Variants in KNL1 observed in about 807,000 individuals in gnomAD.
The protein encoded by KNL1 is outer kinetochore KNL1 complex subunit KNL1.
Under a neutral mutation model 201.3 loss-of-function variants are expected in KNL1, and 66 were observed. The ratio of observed to expected loss-of-function variants is 0.33; its 90% CI spans 0.27 to 0.40. KNL1 has a LOEUF of 0.40. Ranked by LOEUF, KNL1 falls within the 10% of genes least tolerant of loss-of-function variation. KNL1 has a pLI of 1.00. For synonymous variants in KNL1, 895 were observed against 899.2 expected (o/e 1.00, Z 0.08); for missense variants, 2,815 against 2,690.5 (o/e 1.05, Z -1.02).
rs1375074451 is a variant in KNL1 at position 40,662,008 on chromosome 15, C to T, written c.6837-66C>T. On this transcript the variant is annotated intron_variant, in intron 25 of 25. Transcript: ENST00000399668. The stretch of plus-strand genomic sequence containing the variant: ...GTGAGCGGATTGCGCCACTGCACTC[C>T]AGCCTGGGCGACAGAGCGAGACTCC... The T allele has an allele frequency of 4.5e-6, 4 of 892,696 alleles. No homozygotes were observed. The African/African-American group carries it at 6.6e-5, about 15-fold the overall frequency. The allele number at this position is 892,696 out of a possible 1,614,324, so 55.3% of individuals were successfully genotyped here.
intron 9 of KNL1, 115 bp from the exon 10 acceptor site, chr15:40,620,525 C>G (rs1199755523): frequency 1.6e-6 from 1 of 609,812 alleles, no homozygotes; most frequent in Non-Finnish European, 2.7e-6. Flanking sequence ...TTGATTCAAG[C>G]AAACCAACGT....
chr15:40,606,638 AC>A (rs1367482977), intron 4 of KNL1, among the ~76,000 whole-genome samples, 186 bp downstream of exon 4: 1 of 151,966 alleles, frequency 6.6e-6, no homozygotes, highest in African/African-American at 2.4e-5. Context: ...TCCCTCTCTT[AC>A]CCAGGTTGGA....
chr15:40,621,488 A>G lies in KNL1; in HGVS notation c.1224A>G (p.Ile408Met), dbSNP rs368742627. 105 of 1,613,906 alleles carry G rather than the reference A, an allele frequency of 6.5e-5. No homozygotes were observed. The highest frequency in any genetic ancestry group is 1.6e-4 in the Middle Eastern group (1 of 6,082). Residue 408 changes from isoleucine to methionine, a missense_variant, in exon 10 of 26, where the codon ATA (isoleucine) becomes ATG (methionine). Ile to Met is a conservative substitution (Grantham distance 10, BLOSUM62 1). Coordinates refer to ENST00000399668, the MANE Select transcript of KNL1 (RefSeq NM_144508.5). ...VSQTCNQDARILAMTPESIYS... is the reference protein window; with the variant it reads ...VSQTCNQDARMLAMTPESIYS... ...AGACTTGTAATCAGGATGCCAGAATATTAGCCATGACCCCAGAATCTATAT... is the reference window on the plus strand; with the variant it reads ...AGACTTGTAATCAGGATGCCAGAATGTTAGCCATGACCCCAGAATCTATAT...
rs371373070 is a variant in KNL1, at chr15:40,658,375, A to G, written c.6713+902A>G. 1.2e-3 allele frequency among the ~76,000 whole-genome samples: 180 copies of G among 151,376 alleles called. 6 individuals are homozygous for G. In the South Asian group the frequency reaches 0.035, roughly 29 times the overall value. The stretch of plus-strand genomic sequence containing the variant: ...AAACCCTGTCTCTACTAAAAATACA[A>G]AAAATTAGCCGGGCACGGTGGCAGG... On this transcript the variant is annotated intron_variant, in intron 24 of 25. Transcript: ENST00000399668.
rs377752647 is a variant in KNL1 at position 40,623,791 on chromosome 15, G to C, written c.3527G>C (p.Cys1176Ser). ...GATTCCCATACTGTTTTCATTGACT[G>C]TCAAGCCACAGAGAAAATACTTGAA... Reference protein sequence around the residue: ...VTDSHTVFIDCQATEKILEEN... With the variant: ...VTDSHTVFIDSQATEKILEEN... The change falls in exon 10 of 26, where the codon TGT (cysteine) becomes TCT (serine). Residue 1176 changes from cysteine to serine, a missense_variant. Cys to Ser is a moderately radical substitution (Grantham distance 112, BLOSUM62 -1). Transcript: ENST00000399668. 30 of 1,613,658 alleles carry C rather than the reference G, an allele frequency of 1.9e-5. No homozygotes were observed. The highest frequency in any genetic ancestry group is 2.4e-5 in the Non-Finnish European group (28 of 1,179,872).
rs1327227478 is a variant in KNL1, at chr15:40,624,755, A to C, written c.4491A>C (p.Glu1497Asp). ...AGCCCAAAATACTCAATAGTGAGGAATGGTTTGCTGCAGCCTGTAAAAAAG... is the reference window on the plus strand; with the variant it reads ...AGCCCAAAATACTCAATAGTGAGGACTGGTTTGCTGCAGCCTGTAAAAAAG... ...ENKPKILNSE[E>D]WFAAACKKEL... Residue 1497 changes from glutamate to aspartate, a missense_variant, in exon 10 of 26, where the codon GAA (glutamate) becomes GAC (aspartate). Around this residue, in one of 3 missense-constraint regions of KNL1, gnomAD observed 2,464 missense variants for 2,291.7 expected, o/e 1.08. Coordinates refer to ENST00000399668, the MANE Select transcript of KNL1 (RefSeq NM_144508.5). The C allele has an allele frequency of 6.2e-7, 1 of 1,613,888 alleles. No individual in the cohort carries two copies. The highest frequency in any genetic ancestry group is 1.1e-5 in the South Asian group (1 of 91,066).
intron 13 of KNL1, among the ~76,000 whole-genome samples, chr15:40,633,882 G>A (rs560569043): frequency 2.2e-4 from 33 of 152,236 alleles, no homozygotes; most frequent in Non-Finnish European, 4.1e-4. Context: ...AATAAAACAA[G>A]TTAACTGTAA....
At chr15:40,597,242 G>A (rs1364579191) in intron 1 of KNL1, among the ~76,000 whole-genome samples, 1 of 151,962 alleles carries the variant, frequency 6.6e-6, no homozygotes, top group Admixed American at 6.6e-5. Flanking sequence ...TTTGGAATCA[G>A]TAACTTTTTT....
chr15:40,612,588 C>G (rs1892205736), intron 7 of KNL1, among the ~76,000 whole-genome samples: 1 of 152,024 alleles, frequency 6.6e-6, no homozygotes, highest in African/African-American at 2.4e-5. Flanking sequence ...ACGATCTTGG[C>G]TCTCTGCAAC....
At chr15:40,645,204 G>C (rs1018756905) in intron 15 of KNL1, 117 bp downstream of exon 15, 16 of 634,922 alleles carry the variant, frequency 2.5e-5, no homozygotes, top group Non-Finnish European at 3.3e-5. Context: ...TATTTTTTAA[G>C]TGTAATGTGG....
chr15:40,625,673 G>C (rs1892727930), intron 10 of KNL1, 33 bp downstream of exon 10: 2 of 1,554,260 alleles, frequency 1.3e-6, no homozygotes, highest in Non-Finnish European at 1.8e-6. Context: ...GAATGTTCTT[G>C]AATTTTGGGT....
At chr15:40,643,463 C>T (rs779615546) in intron 14 of KNL1, among the ~76,000 whole-genome samples, 13 of 152,128 alleles carry the variant, frequency 8.5e-5, no homozygotes, top group Non-Finnish European at 1.8e-4. Flanking sequence ...CGCGCCTGGC[C>T]GGGAACTTTT....
intron 1 of KNL1, among the ~76,000 whole-genome samples, chr15:40,602,683 C>G (rs962539480): frequency 6.6e-6 from 1 of 151,608 alleles, no homozygotes; most frequent in Non-Finnish European, 1.5e-5. Context: ...CGGGGTTTCT[C>G]CATGTTGGTC....
chr15:40,627,060 A>G (rs1022142078), intron 10 of KNL1, among the ~76,000 whole-genome samples: 5 of 151,714 alleles, frequency 3.3e-5, no homozygotes, highest in African/African-American at 1.2e-4. Flanking sequence ...ACACCCGGCT[A>G]ATCTTTGTAT....
rs760158676 is a variant in KNL1, at chr15:40,624,655, A to G, written c.4391A>G (p.Glu1464Gly). 2.5e-6 allele frequency: 4 copies of G among 1,613,782 alleles called. No individual in the cohort carries two copies. Among genetic ancestry groups the G allele is most frequent in the Non-Finnish European group, 3.4e-6 (4 of 1,179,784 alleles). The change falls in exon 10 of 26, where the codon GAA becomes GGA. Residue 1464 changes from glutamate to glycine, a missense_variant. This residue lies in a region of KNL1 where 2,464 missense variants were observed against 2,291.7 expected (regional missense o/e 1.08). Transcript: ENST00000399668. ...GGACAGAGTAGTATCAATAAAGAAG[A>G]AGTAATACTGTCTAAAGCTGGAAAT... ...KKGQSSINKEEVILSKAGNKS... is the reference protein window; with the variant it reads ...KKGQSSINKEGVILSKAGNKS...
In KNL1 at chr15:40,624,086, C is replaced by T. The variant is rs1892650240; in HGVS notation, c.3822C>T (p.Ser1274=). The T allele has an allele frequency of 1.9e-6, 3 of 1,614,024 alleles. No individual in the cohort carries two copies. The highest frequency in any genetic ancestry group is 1.3e-5 in the African/African-American group (1 of 75,028). Residue 1274 remains serine, a synonymous_variant, in exon 10 of 26, where the codon AGC becomes AGT. Coordinates refer to ENST00000399668, the MANE Select transcript of KNL1 (RefSeq NM_144508.5). Reference sequence around the variant, plus strand: ...CATTGGAAAAAGCGCAAGTTGAAAGCTGTCAGTTAAATAATAGAGATAGAA... The same window carrying T: ...CATTGGAAAAAGCGCAAGTTGAAAGTTGTCAGTTAAATAATAGAGATAGAA... The part of the protein sequence containing the change: ...ACTLEKAQVE[S]CQLNNRDRRN...
Position 40,622,172 on chromosome 15 carries a change from C to T in KNL1, c.1908C>T (p.Asp636=). The stretch of plus-strand genomic sequence containing the variant: ...TAATAGCCAAAAACAGCTTAACCGA[C>T]ACCTGGAACAAAGACAAAGATTGGG... ...SDIIAKNSLT[D]TWNKDKDWVL... Residue 636 remains aspartate (D), a synonymous_variant, in exon 10 of 26, where the codon GAC becomes GAT. Transcript: ENST00000399668. 2 of 1,614,122 alleles carry T rather than the reference C, an allele frequency of 1.2e-6. No individual in the cohort carries two copies. The highest frequency in any genetic ancestry group is 1.7e-6 in the Non-Finnish European group (2 of 1,179,976).
At chr15:40,629,394 A>G in intron 13 of KNL1, 23 bp downstream of exon 13, 1 of 1,455,784 alleles carries the variant, frequency 6.9e-7, no homozygotes, top group Admixed American at 2.0e-5. Context: ...TCTTGGCAAA[A>G]TGTTTGCATC....
intron 1 of KNL1, among the ~76,000 whole-genome samples, chr15:40,595,544 T>C (rs1891596168): frequency 1.3e-5 from 2 of 152,188 alleles, no homozygotes; most frequent in African/African-American, 2.4e-5. Flanking sequence ...TACATGTAAA[T>C]TGAATTAAAA....
Sources: gnomAD v4.1 joint callset for allele counts (sites outside exome capture counted in the v4.1 genomes callset) on GRCh38, gnomAD v4.1.1 for gene constraint, gnomAD v4.1.1 regional missense constraint, MANE v1.5 for transcripts, NCBI Gene and HGNC (gene_info 2026-07-23, HGNC 2026-07-21) for gene names.